Variants in PAN3 observed in about 807,000 individuals in gnomAD.
The protein encoded by PAN3 is poly(A) specific ribonuclease subunit PAN3.
Under a neutral mutation model 96.2 loss-of-function variants are expected in PAN3, and 19 were observed. That is an observed-to-expected ratio of 0.20 (90% CI 0.14 to 0.29). The LOEUF (loss-of-function observed/expected upper bound fraction) is 0.29. PAN3 is among the 10% of genes least tolerant of loss of function. PAN3 has a pLI of 1.00. For missense variants in PAN3, 882 were observed against 1,108.1 expected (o/e 0.80, Z 2.90); for synonymous variants, 433 against 406.6 (o/e 1.06, Z -0.78).
At chr13:28,193,756 A>C (rs9582015) in intron 4 of PAN3, among the ~76,000 whole-genome samples, 47 of 146,590 alleles carry the variant, frequency 3.2e-4, no homozygotes, top group South Asian at 1.1e-3. Flanking sequence ...AAAAAAAAAA[A>C]CCCAAGAAAC....
At chr13:28,218,860 C>T (rs569056946) in intron 5 of PAN3, among the ~76,000 whole-genome samples, 10 of 152,070 alleles carry the variant, frequency 6.6e-5, no homozygotes, top group East Asian at 3.8e-4. Flanking sequence ...GGTAATCTTG[C>T]GTAATCCTGA....
chr13:28,180,939 GT>G (rs200489025), intron 4 of PAN3, among the ~76,000 whole-genome samples: 1,781 of 152,100 alleles, frequency 0.012, 11 homozygotes, highest in Non-Finnish European at 0.017. Flanking sequence ...ATATTAATTA[GT>G]GCCAATTTAA....
At chr13:28,200,911 C>A (rs1878609638) in intron 5 of PAN3, among the ~76,000 whole-genome samples, 1 of 152,182 alleles carries the variant, frequency 6.6e-6, no homozygotes, top group South Asian at 2.1e-4. Context: ...ACTGGTGTTA[C>A]CAAAATTTTA....
chr13:28,221,347 TAA>T (rs71641243), intron 6 of PAN3, among the ~76,000 whole-genome samples: 2 of 144,210 alleles, frequency 1.4e-5, no homozygotes, highest in African/African-American at 5.0e-5. Context: ...TCTTGGACAT[TAA>T]AAAAAAAAAC....
chr13:28,194,357 A>G (rs1006630214), intron 4 of PAN3, among the ~76,000 whole-genome samples: 2 of 150,966 alleles, frequency 1.3e-5, no homozygotes, highest in Non-Finnish European at 2.9e-5. Context: ...CTGATAGAAC[A>G]AGGTTAATTT....
chr13:28,246,760 AT>A (rs1289291800), intron 6 of PAN3, among the ~76,000 whole-genome samples: 1 of 151,884 alleles, frequency 6.6e-6, no homozygotes, highest in Non-Finnish European at 1.5e-5. Context: ...ACAGGATGTC[AT>A]TTTTTTTATG....
chr13:28,200,912 CA>C (rs1473273199), intron 5 of PAN3, among the ~76,000 whole-genome samples: 4 of 152,116 alleles, frequency 2.6e-5, no homozygotes, highest in Non-Finnish European at 5.9e-5. Flanking sequence ...CTGGTGTTAC[CA>C]AAATTTTATT....
At chr13:28,163,340 TA>T (rs1177508070) in intron 1 of PAN3, among the ~76,000 whole-genome samples, 1 of 152,264 alleles carries the variant, frequency 6.6e-6, no homozygotes, top group Admixed American at 6.5e-5. Flanking sequence ...AAATGAGTGA[TA>T]TAAATAGTAT....
chr13:28,280,367 A>C lies in PAN3; in HGVS notation c.2190-45A>C, dbSNP rs1376117871. ...ATGTTTGGGTTATCTTGTTTTTTAA[A>C]TTGCATGTTGGACATCCAAGTAATT... On this transcript the variant is annotated intron_variant, in intron 15 of 18. Transcript: ENST00000380958. 7 of 1,559,436 alleles carry C rather than the reference A, an allele frequency of 4.5e-6. No homozygotes were observed. The South Asian group carries it at 8.5e-5, about 19-fold the overall frequency.
chr13:28,247,122 G>T (rs949072163), intron 6 of PAN3, among the ~76,000 whole-genome samples: 7 of 151,940 alleles, frequency 4.6e-5, no homozygotes, highest in African/African-American at 1.7e-4. Context: ...TTTAACTGGG[G>T]TAATATGATC....
chr13:28,149,658 C>G (rs1283482741), intron 1 of PAN3, among the ~76,000 whole-genome samples: 2 of 152,196 alleles, frequency 1.3e-5, no homozygotes, highest in African/African-American at 2.4e-5. Flanking sequence ...GTCACCCAGG[C>G]TATAGTGCAG....
intron 5 of PAN3, among the ~76,000 whole-genome samples, chr13:28,205,240 C>G (rs1173245063): frequency 6.6e-6 from 1 of 151,952 alleles, no homozygotes; most frequent in Non-Finnish European, 1.5e-5. Context: ...ATGGATTGGA[C>G]TTTGTAAAGG....
At chr13:28,221,020 C>A (rs756683126) in intron 6 of PAN3, among the ~76,000 whole-genome samples, 29 of 152,108 alleles carry the variant, frequency 1.9e-4, no homozygotes, top group Admixed American at 3.3e-4. Flanking sequence ...CTCCAGGAGT[C>A]CTGAAGGCAT....
chr13:28,152,913 G>GT (rs1259022067), intron 1 of PAN3, among the ~76,000 whole-genome samples: 5 of 152,118 alleles, frequency 3.3e-5, no homozygotes, highest in African/African-American at 1.2e-4. Context: ...GTTTGTGTGG[G>GT]TATGGGGGGG....
At chr13:28,149,281 G>T (rs1476949903) in intron 1 of PAN3, among the ~76,000 whole-genome samples, 1 of 152,046 alleles carries the variant, frequency 6.6e-6, no homozygotes, top group South Asian at 2.1e-4. Context: ...TTGAACCCAG[G>T]AGACCTAGGA....
chr13:28,186,527 A>T (rs1209690062), intron 4 of PAN3, among the ~76,000 whole-genome samples: 1 of 150,860 alleles, frequency 6.6e-6, no homozygotes, highest in African/African-American at 2.4e-5. Context: ...ATAGTCTCCT[A>T]TTTATGATCT....
chr13:28,157,005 A>T (rs1872262851), intron 1 of PAN3, among the ~76,000 whole-genome samples: 1 of 150,668 alleles, frequency 6.6e-6, no homozygotes, highest in Non-Finnish European at 1.5e-5. Flanking sequence ...AAAAAAAAAA[A>T]AAAAAAAAAA....
chr13:28,156,204 ACAGT>A (rs904381306), intron 1 of PAN3, among the ~76,000 whole-genome samples: 7 of 152,162 alleles, frequency 4.6e-5, no homozygotes, highest in African/African-American at 1.7e-4. Flanking sequence ...CCAAATAAAC[ACAGT>A]CAGAAATGAC....
intron 4 of PAN3, among the ~76,000 whole-genome samples, chr13:28,187,421 C>G (rs1415076726): frequency 6.6e-6 from 1 of 152,162 alleles, no homozygotes; most frequent in African/African-American, 2.4e-5. Flanking sequence ...TGGTTCCAGT[C>G]TAAAGCACAA....
Sources: allele counts gnomAD v4.1 joint callset (sites outside exome capture counted in the v4.1 genomes callset), GRCh38; gene constraint gnomAD v4.1.1; transcripts MANE v1.5; gene names NCBI Gene and HGNC (gene_info 2026-07-23, HGNC 2026-07-21).